ADGRE5: variants seen among roughly 807,000 people sequenced by gnomAD.
ADGRE5 encodes the protein CD97 molecule.
In ADGRE5, 72 loss-of-function variants were observed where a neutral mutation model predicts 100.3. That is an observed-to-expected ratio of 0.72 (90% CI 0.59 to 0.87). ADGRE5 has a LOEUF of 0.87. Among genes scored for constraint, ADGRE5 ranks in the 40% least tolerant of loss-of-function variants. The pLI is 0.00. For missense variants in ADGRE5, 959 were observed against 1,094.7 expected, an observed-to-expected ratio of 0.88 and a Z score of 1.75; for synonymous variants, 439 against 447.8, an observed-to-expected ratio of 0.98 and a Z score of 0.25.
chr19:14,407,808 A>C, intron 18 of ADGRE5, 100 bp from the exon 19 acceptor site: 1 of 1,009,750 alleles, frequency 9.9e-7, no homozygotes, highest in African/African-American at 1.8e-5. Context: ...AAAGACAAAC[A>C]CAAAAACACC....
In ADGRE5 at chr19:14,405,803, T is replaced by A; in HGVS notation, c.1685T>A (p.Leu562Gln). The A allele has an allele frequency of 6.2e-7, 1 of 1,613,890 alleles. No homozygotes were observed. The highest frequency in any genetic ancestry group is 8.5e-7 in the Non-Finnish European group (1 of 1,179,998). The stretch of plus-strand genomic sequence containing the variant: ...GGACTGGCGCTGTCACTCTTCTGCC[T>A]GCTGCTGTGCATCCTCACTTTCCTG... ...RVGLALSLFCLLLCILTFLLV... is the reference protein window; with the variant it reads ...RVGLALSLFCQLLCILTFLLV... The change falls in exon 14 of 20, where the codon CTG becomes CAG. Residue 562 changes from leucine to glutamine, a missense_variant. Transcript: ENST00000242786.
Position 14,406,837 on chromosome 19 carries a change from G to A in ADGRE5, c.2116-32G>A, listed in dbSNP as rs370682934. On this transcript the variant is annotated intron_variant, in intron 16 of 19. Transcript: ENST00000242786. The surrounding 1 kb of genome is among the most constrained non-coding windows in gnomAD (Gnocchi z 6.0). ...CAGGCCCGGCTGGACCATCGCTCTCGCCCTCTAACCCACAATCTGCTCCCT... is the reference window on the plus strand; with the variant it reads ...CAGGCCCGGCTGGACCATCGCTCTCACCCTCTAACCCACAATCTGCTCCCT... 2.2e-4 allele frequency: 349 copies of A among 1,611,904 alleles called. No individual in the cohort carries two copies. Among genetic ancestry groups the A allele is most frequent in the Non-Finnish European group, 2.8e-4 (328 of 1,178,068 alleles).
intron 1 of ADGRE5, among the ~76,000 whole-genome samples, chr19:14,385,010 C>CTTTTTTTTTTTTTT (rs56960989): frequency 4.4e-5 from 3 of 68,682 alleles, no homozygotes; most frequent in Non-Finnish European, 2.6e-5. Flanking sequence ...GACTCTTGCT[C>CTTTTTTTTTTTTTT]TTTTTTTTTT....
chr19:14,401,850 A>T lies in ADGRE5; in HGVS notation c.1183+90A>T. On this transcript the variant is annotated intron_variant, in intron 11 of 19. Transcript: ENST00000242786. The surrounding 1 kb of genome is among the most constrained non-coding windows in gnomAD (Gnocchi z 4.1). ...GGTGAGGTTCAGAATAGAACAACTGACTGGGCGCGGTGGCTCACGCCTGCA... is the reference window on the plus strand; with the variant it reads ...GGTGAGGTTCAGAATAGAACAACTGTCTGGGCGCGGTGGCTCACGCCTGCA... 1.1e-6 allele frequency: 1 copy of T among 881,270 alleles called. No homozygotes were observed. The highest frequency in any genetic ancestry group is 2.1e-5 in the South Asian group (1 of 46,638). 54.6% of individuals were successfully genotyped at this position (881,270 alleles called of 1,614,324 possible).
chr19:14,391,154 A>G, intron 4 of ADGRE5, 75 bp downstream of exon 4: 1 of 1,593,048 alleles, frequency 6.3e-7, no homozygotes, highest in Non-Finnish European at 8.6e-7. Context: ...GGCAGCATCC[A>G]GAGAGCAGGG....
chr19:14,389,916 A>G (rs1975536202), intron 3 of ADGRE5, among the ~76,000 whole-genome samples: 1 of 151,348 alleles, frequency 6.6e-6, no homozygotes, highest in Non-Finnish European at 1.5e-5. Context: ...TAAAAATACA[A>G]AATTAACCGG....
intron 12 of ADGRE5, among the ~76,000 whole-genome samples, chr19:14,403,359 T>A (rs1323708570): frequency 6.6e-6 from 1 of 151,708 alleles, no homozygotes; most frequent in Non-Finnish European, 1.5e-5. Flanking sequence ...TCTTATTTAT[T>A]TATATTTTTA....
chr19:14,406,828 A>G lies in ADGRE5; in HGVS notation c.2116-41A>G. The G allele has an allele frequency of 1.2e-6, 2 of 1,611,454 alleles. No homozygotes were observed. The highest frequency in any genetic ancestry group is 2.2e-5 in the South Asian group (2 of 91,044). On this transcript the variant is annotated intron_variant, in intron 16 of 19. Transcript: ENST00000242786. The surrounding 1 kb of genome is among the most constrained non-coding windows in gnomAD (Gnocchi z 6.0). ...CCACAGGCCCAGGCCCGGCTGGACC[A>G]TCGCTCTCGCCCTCTAACCCACAAT...
intron 11 of ADGRE5, among the ~76,000 whole-genome samples, 161 bp from the exon 12 acceptor site, chr19:14,402,436 A>G (rs917445609): frequency 6.7e-6 from 1 of 149,696 alleles, no homozygotes; most frequent in Non-Finnish European, 1.5e-5. Context: ...CTCCGTCTCA[A>G]AAAAAAAAAA....
chr19:14,397,239 C>T lies in ADGRE5; in HGVS notation c.625+16C>T. The T allele has an allele frequency of 3.1e-6, 5 of 1,613,882 alleles. No homozygotes were observed. The highest frequency in any genetic ancestry group is 1.1e-5 in the South Asian group (1 of 91,072). ...GTCTGTGAAGGTCGAGAGCTCAGAT[C>T]CCACGTTTCTAGCGACCCACAAACA... On this transcript the variant is annotated intron_variant, in intron 6 of 19. Transcript: ENST00000242786.
Position 14,401,676 on chromosome 19 carries a change from C to CT in ADGRE5, c.1099_1100insT (p.Arg367LeufsTer65). 1 of 1,594,866 alleles carries CT rather than the reference C, an allele frequency of 6.3e-7. No individual in the cohort carries two copies. Among genetic ancestry groups the CT allele is most frequent in the Non-Finnish European group, 8.5e-7 (1 of 1,170,814 alleles). On this transcript the variant is annotated frameshift_variant, in exon 11 of 20. Coordinates refer to ENST00000242786, the MANE Select transcript of ADGRE5 (RefSeq NM_078481.4). LOFTEE classifies it high-confidence loss of function. This position sits in a 1 kb window ranked among gnomAD's most constrained non-coding sequence, Gnocchi z 4.1. Reference sequence around the variant, plus strand: ...AGAGCTGACCCTGATGATCCAGGAGCGGGGGGACAAGAACGTCACTATGGG... The same window carrying CT: ...AGAGCTGACCCTGATGATCCAGGAGCTGGGGGGACAAGAACGTCACTATGGG...
At chr19:14,386,746 G>C (rs1471879923) in intron 1 of ADGRE5, among the ~76,000 whole-genome samples, 2 of 149,214 alleles carry the variant, frequency 1.3e-5, no homozygotes, top group Non-Finnish European at 3.0e-5. Context: ...GGGCACGGTG[G>C]CTCACGCCTG....
chr19:14,407,984 C>G lies in ADGRE5; in HGVS notation c.2453C>G (p.Ser818Cys), dbSNP rs747035468. 7.4e-6 allele frequency: 12 copies of G among 1,614,050 alleles called. No individual in the cohort carries two copies. In the East Asian group the frequency reaches 2.7e-4, roughly 36 times the overall value. ...SKYSEFTSTT[S>C]GTGHNQTRAL... ...TACTCAGAATTCACCTCCACCACGT[C>G]TGGCACTGGCCACAATCAGACCCGG... The change falls in exon 19 of 20, where the codon TCT (serine) becomes TGT (cysteine). Residue 818 changes from serine to cysteine, a missense_variant. Physicochemically the swap from Ser to Cys is moderately radical, Grantham distance 112. Coordinates refer to ENST00000242786, the MANE Select transcript of ADGRE5 (RefSeq NM_078481.4).
intron 1 of ADGRE5, among the ~76,000 whole-genome samples, chr19:14,386,843 G>A (rs1975375931): frequency 6.6e-6 from 1 of 151,140 alleles, no homozygotes; most frequent in Admixed American, 6.6e-5. Flanking sequence ...GTGAAACCCC[G>A]TCTCTACAAA....
intron 3 of ADGRE5, among the ~76,000 whole-genome samples, chr19:14,390,209 G>A (rs1362567411): frequency 6.6e-6 from 1 of 152,134 alleles, no homozygotes; most frequent in East Asian, 1.9e-4. Context: ...AGTAAGAAGT[G>A]AATAGGCATG....
intron 1 of ADGRE5, among the ~76,000 whole-genome samples, chr19:14,382,087 G>A (rs910583402): frequency 1.3e-5 from 2 of 152,152 alleles, no homozygotes; most frequent in Admixed American, 1.3e-4. Flanking sequence ...CCTGGTTCTG[G>A]GTTTGAATTT....
intron 1 of ADGRE5, among the ~76,000 whole-genome samples, chr19:14,383,624 AC>A (rs1220213717): frequency 2.0e-5 from 3 of 151,442 alleles, no homozygotes; most frequent in African/African-American, 7.3e-5. Flanking sequence ...CTGCCCCACC[AC>A]CCCCCACCCC....
chr19:14,402,865 C>T lies in ADGRE5; in HGVS notation c.1449+3C>T. On this transcript the variant is annotated splice_donor_region_variant and intron_variant, in intron 12 of 19. Transcript: ENST00000242786. The stretch of plus-strand genomic sequence containing the variant: ...CGGGAAGAGACCCTCCTGCCAAGGT[C>T]TCTGCTCACTCTGCTCACTTCCTCA... 6.2e-7 allele frequency: 1 copy of T among 1,613,158 alleles called. No homozygotes were observed. Among genetic ancestry groups the T allele is most frequent in the Non-Finnish European group, 8.5e-7 (1 of 1,179,502 alleles).
chr19:14,394,800 G>T (rs1975716226), intron 4 of ADGRE5, among the ~76,000 whole-genome samples: 1 of 152,056 alleles, frequency 6.6e-6, no homozygotes, highest in African/African-American at 2.4e-5. Flanking sequence ...GAATCTCAAG[G>T]ACAGGACAAC....
Sources: gnomAD v4.1 joint callset for allele counts (sites outside exome capture counted in the v4.1 genomes callset) on GRCh38, gnomAD v4.1.1 for gene constraint, Gnocchi (gnomAD v3.1) non-coding constraint, MANE v1.5 for transcripts, NCBI Gene and HGNC (gene_info 2026-07-23, HGNC 2026-07-21) for gene names.